The following L3MBTL2 variants were observed in gnomAD, a reference collection of about 807,000 sequenced individuals.
L3MBTL2 encodes the protein lethal(3)malignant brain tumor-like protein 2.
L3MBTL2 carries 49 observed loss-of-function variants against 86.4 expected under a neutral mutation model. The observed-to-expected ratio is 0.57, with a 90% CI of 0.45 to 0.72. L3MBTL2 has a LOEUF of 0.72. L3MBTL2 is among the 30% of genes least tolerant of loss of function. The pLI is 0.00. For missense variants in L3MBTL2, 755 were observed against 923.7 expected (o/e 0.82, Z 2.37); for synonymous variants, 336 against 350.6 (o/e 0.96, Z 0.47).
At chr22:41,214,483 T>C (rs1400093899) in intron 3 of L3MBTL2, 1 of 156,466 alleles carries the variant, frequency 6.4e-6, no homozygotes, top group Non-Finnish European at 1.4e-5. Context: ...TCTTTAGAGA[T>C]GGAAAGATTC....
At chr22:41,207,212 C>T (rs898006729) in intron 1 of L3MBTL2, among the ~76,000 whole-genome samples, 2 of 147,232 alleles carry the variant, frequency 1.4e-5, no homozygotes, top group African/African-American at 5.0e-5. Flanking sequence ...TTGCCTGTAT[C>T]GTCTCTTACT....
rs1339836391 is a variant in L3MBTL2, at chr22:41,220,590, G to A, written c.719-144G>A. On this transcript the variant is annotated intron_variant, in intron 6 of 16. Coordinates refer to ENST00000216237, the MANE Select transcript of L3MBTL2 (RefSeq NM_031488.5). The stretch of plus-strand genomic sequence containing the variant: ...CTGTAGTTCCAGCTACTCTGGAGGT[G>A]GAGCTTGCAGTGAGCTGAGATGGCG... 9.5e-6 allele frequency: 7 copies of A among 734,410 alleles called. No homozygotes were observed. The South Asian group carries it at 1.7e-4, about 18-fold the overall frequency. The allele number at this position is 734,410 out of a possible 1,614,324, so 45.5% of individuals were successfully genotyped here.
At chr22:41,216,729 G>A (rs552474769) in intron 4 of L3MBTL2, among the ~76,000 whole-genome samples, 39 of 152,174 alleles carry the variant, frequency 2.6e-4, no homozygotes, top group Admixed American at 4.6e-4. Context: ...TCAGCAGGCC[G>A]GAGCTCAGTT....
Position 41,227,728 on chromosome 22 carries a change from C to A in L3MBTL2, c.1823-76C>A. 1.2e-6 allele frequency: 2 copies of A among 1,608,348 alleles called. No homozygotes were observed. Among genetic ancestry groups the A allele is most frequent in the South Asian group, 1.1e-5 (1 of 90,242 alleles). ...TCTCGTGTGGGAGGGTGGATGGGGT[C>A]TCGGGATGCGCCTGTGCCCTGTGTC... On this transcript the variant is annotated intron_variant, in intron 14 of 16. Transcript: ENST00000216237. This position sits in a 1 kb window ranked among gnomAD's most constrained non-coding sequence, Gnocchi z 6.0.
Position 41,225,694 on chromosome 22 carries a change from T to C in L3MBTL2, c.1357-100T>C. The C allele has an allele frequency of 1.5e-6, 2 of 1,302,786 alleles. No homozygotes were observed. Among genetic ancestry groups the C allele is most frequent in the Non-Finnish European group, 2.1e-6 (2 of 942,086 alleles). 80.7% of individuals were successfully genotyped at this position (1,302,786 alleles called of 1,614,324 possible). A position where few individuals can be genotyped will look rare whatever the true frequency, so the allele number is the denominator to read the frequency against. ...AGGAGGGCCATGCCCTAGATCCGTT[T>C]GGATCCATTTGCCTCGTGTCCCTAT... On this transcript the variant is annotated intron_variant, in intron 11 of 16. Coordinates refer to ENST00000216237, the MANE Select transcript of L3MBTL2 (RefSeq NM_031488.5). The surrounding 1 kb of genome is among the most constrained non-coding windows in gnomAD (Gnocchi z 4.1).
At chr22:41,209,356 C>G (rs1332830394) in intron 1 of L3MBTL2, 1 of 205,628 alleles carries the variant, frequency 4.9e-6, no homozygotes, top group Non-Finnish European at 1.0e-5. Context: ...ATCTGCCAGC[C>G]TCGGCCTCCC....
intron 15 of L3MBTL2, chr22:41,228,652 C>A: frequency 3.3e-6 from 1 of 305,608 alleles, no homozygotes; most frequent in Non-Finnish European, 4.8e-6. Context: ...AGTTCCAAGA[C>A]CAGCCTGACC....
chr22:41,225,225 C>A lies in L3MBTL2; in HGVS notation c.1356+154C>A, dbSNP rs538356926. Among the ~76,000 whole-genome samples the A allele has an allele frequency of 7.6e-4, 116 of 152,322 alleles. 1 individual carries two copies. The highest frequency in any genetic ancestry group is 5.9e-5 in the Non-Finnish European group (4 of 68,016). The stretch of plus-strand genomic sequence containing the variant: ...GAGTCCCTGACTTTTGTGAGTGGGG[C>A]CTGGCCTGCCCCTTGCTCAGAATCT... On this transcript the variant is annotated intron_variant, in intron 11 of 16. Coordinates refer to ENST00000216237, the MANE Select transcript of L3MBTL2 (RefSeq NM_031488.5). This position sits in a 1 kb window ranked among gnomAD's most constrained non-coding sequence, Gnocchi z 4.1.
At chr22:41,214,523 T>C (rs1163827512) in intron 3 of L3MBTL2, 1 of 154,854 alleles carries the variant, frequency 6.5e-6, no homozygotes, top group East Asian at 1.9e-4. Context: ...CACACATTTA[T>C]TGATAAGTAT....
At chr22:41,212,423 G>A (rs906737204) in intron 2 of L3MBTL2, among the ~76,000 whole-genome samples, 7 of 137,392 alleles carry the variant, frequency 5.1e-5, no homozygotes, top group African/African-American at 1.7e-4. Context: ...TTGAGACAGC[G>A]TTTCACTCTT....
Position 41,229,655 on chromosome 22 carries a change from G to T in L3MBTL2, c.2004G>T (p.Glu668Asp), listed in dbSNP as rs2032443695. The T allele has an allele frequency of 3.1e-6, 5 of 1,613,310 alleles. No homozygotes were observed. In the Admixed American group the frequency reaches 5.0e-5, roughly 16 times the overall value. ...RKISSEPVPGEIIAVRVKEEH... is the reference protein window; with the variant it reads ...RKISSEPVPGDIIAVRVKEEH... ...TCTCGTCGGAGCCTGTTCCTGGCGA[G>T]AGTAAGAGCCACCGGGCTGGGTCAA... is the stretch of plus-strand genomic sequence containing the variant. The change falls in exon 16 of 17, where the codon GAG becomes GAT. Residue 668 changes from glutamate to aspartate, a missense_variant and splice_region_variant. By Grantham distance (45) the Glu-to-Asp change is conservative. Around this residue, in one of 3 missense-constraint regions of L3MBTL2, gnomAD observed 634 missense variants for 748.9 expected, o/e 0.85. Transcript: ENST00000216237.
At chr22:41,213,411 A>G (rs1461912130) in intron 2 of L3MBTL2, among the ~76,000 whole-genome samples, 1 of 150,448 alleles carries the variant, frequency 6.6e-6, no homozygotes, top group Non-Finnish European at 1.5e-5. Context: ...CTGCAGCCTC[A>G]GCCTCCTGGG....
intron 2 of L3MBTL2, among the ~76,000 whole-genome samples, chr22:41,212,667 G>T (rs1446109490): frequency 6.6e-6 from 1 of 150,648 alleles, no homozygotes; most frequent in East Asian, 2.0e-4. Flanking sequence ...AGGCCGAGGC[G>T]GGAGGATCAC....
At position 41,219,529 on chromosome 22, in the gene L3MBTL2, G is replaced by A. The variant is rs1418652751; in HGVS notation, c.711G>A (p.Gln237=). ...SRVYWIASVI[Q]TAGYRVLLRY... ...TGTACTGGATCGCCTCTGTCATCCA[G>A]ACAGCAGGTGAGTGTTTGGCCAGGG... is the stretch of plus-strand genomic sequence containing the variant. The change falls in exon 6 of 17, where the codon CAG becomes CAA. Residue 237 remains glutamine (Q), a synonymous_variant. Transcript: ENST00000216237. 1 of 1,609,944 alleles carries A rather than the reference G, an allele frequency of 6.2e-7. No individual in the cohort carries two copies. The highest frequency in any genetic ancestry group is 8.5e-7 in the Non-Finnish European group (1 of 1,176,496).
chr22:41,227,038 C>T lies in L3MBTL2; in HGVS notation c.1588-51C>T. On this transcript the variant is annotated intron_variant, in intron 13 of 16. Coordinates refer to ENST00000216237, the MANE Select transcript of L3MBTL2 (RefSeq NM_031488.5). This position sits in a 1 kb window ranked among gnomAD's most constrained non-coding sequence, Gnocchi z 6.0. ...GTGCCTCCGGGCCGGGGCAAGCCTG[C>T]TGGGGTAGGGAGCTGACTGGCTTGG... 3 of 1,504,308 alleles carry T rather than the reference C, an allele frequency of 2.0e-6. No homozygotes were observed. Among genetic ancestry groups the T allele is most frequent in the Non-Finnish European group, 2.7e-6 (3 of 1,105,728 alleles). 93.2% of individuals were successfully genotyped at this position (1,504,308 alleles called of 1,614,324 possible).
chr22:41,224,029 A>G lies in L3MBTL2; in HGVS notation c.952A>G (p.Ser318Gly). 1 of 1,613,976 alleles carries G rather than the reference A, an allele frequency of 6.2e-7. No homozygotes were observed. The highest frequency in any genetic ancestry group is 8.5e-7 in the Non-Finnish European group (1 of 1,179,910). ...TCTGACGTCGTTTCAGATGGTGGAGAGCATGAAGTACCCCTTTAGGCAGGG... is the reference window on the plus strand; with the variant it reads ...TCTGACGTCGTTTCAGATGGTGGAGGGCATGAAGTACCCCTTTAGGCAGGG... ...PVDFHIKMVE[S>G]MKYPFRQGMR... The change falls in exon 9 of 17, where the codon AGC becomes GGC. Residue 318 changes from serine (S) to glycine (G), a missense_variant. Physicochemically the swap from Ser to Gly is moderately conservative, Grantham distance 56. This residue lies in a region of L3MBTL2 where 634 missense variants were observed against 748.9 expected (regional missense o/e 0.85). Coordinates refer to ENST00000216237, the MANE Select transcript of L3MBTL2 (RefSeq NM_031488.5). This position sits in a 1 kb window ranked among gnomAD's most constrained non-coding sequence, Gnocchi z 4.9.
At position 41,228,183 on chromosome 22, in the gene L3MBTL2, A is replaced by C. The variant is rs931645613; in HGVS notation, c.1888+314A>C. 5 of 985,342 alleles carry C rather than the reference A, an allele frequency of 5.1e-6. No individual in the cohort carries two copies. The African/African-American group carries it at 8.7e-5, about 17-fold the overall frequency. 61.0% of individuals were successfully genotyped at this position (985,342 alleles called of 1,614,324 possible). On this transcript the variant is annotated intron_variant, in intron 15 of 16. Transcript: ENST00000216237. ...TGATGCCCCATGTTCAGAAAAAAACAGCCTGGCCTGGGCAAGCCGCAGCTG... is the reference window on the plus strand; with the variant it reads ...TGATGCCCCATGTTCAGAAAAAAACCGCCTGGCCTGGGCAAGCCGCAGCTG...
Position 41,211,557 on chromosome 22 carries a change from C to CTTTCTTTTTTTTTTTTT in L3MBTL2, c.262+1627_262+1628insCTTTTTTTTTTTTTTTT, listed in dbSNP as rs1039028243. On this transcript the variant is annotated intron_variant, in intron 2 of 16. Coordinates refer to ENST00000216237, the MANE Select transcript of L3MBTL2 (RefSeq NM_031488.5). The stretch of plus-strand genomic sequence containing the variant: ...ACTCTTTGCAGTTGAATCTTATTTC[C>CTTTCTTTTTTTTTTTTT]TTTTTTTTTTTTTTTTTGAGACGGA... Among the ~76,000 whole-genome samples, 149 of 97,332 alleles carry CTTTCTTTTTTTTTTTTT rather than the reference C, an allele frequency of 1.5e-3. 13 individuals are homozygous for CTTTCTTTTTTTTTTTTT. Among genetic ancestry groups the CTTTCTTTTTTTTTTTTT allele is most frequent in the African/African-American group, 3.7e-3 (86 of 23,498 alleles). The allele number at this position is 97,332 out of a possible 152,430, so 63.9% of individuals were successfully genotyped here. A position where few individuals can be genotyped will look rare whatever the true frequency, so the allele number is the denominator to read the frequency against.
chr22:41,218,441 A>C (rs1043781840), intron 5 of L3MBTL2: 1 of 152,076 alleles, frequency 6.6e-6, no homozygotes, highest in African/African-American at 2.4e-5. Context: ...TGAACCTGAG[A>C]GGCGGAGGTT....
Sources: gnomAD v4.1 joint callset for allele counts (sites outside exome capture counted in the v4.1 genomes callset) on GRCh38, gnomAD v4.1.1 for gene constraint, gnomAD v4.1.1 regional missense constraint, Gnocchi (gnomAD v3.1) non-coding constraint, MANE v1.5 for transcripts, NCBI Gene and HGNC (gene_info 2026-07-23, HGNC 2026-07-21) for gene names.